NME9: variants seen among roughly 807,000 people sequenced by gnomAD.
NME9 encodes the protein NME/NM23 family member 9.
NME9 carries 48 observed loss-of-function variants against 44.4 expected under a neutral mutation model. The ratio of observed to expected loss-of-function variants is 1.08; its 90% CI spans 0.86 to 1.37. The LOEUF (loss-of-function observed/expected upper bound fraction) is 1.37. Among genes scored for constraint, NME9 ranks in the 40% most tolerant of loss-of-function variants. The pLI is 0.00. For missense variants in NME9, 325 were observed against 405.2 expected, an observed-to-expected ratio of 0.80 and a Z score of 1.70; for synonymous variants, 139 against 147.1, an observed-to-expected ratio of 0.94 and a Z score of 0.40.
chr3:138,266,062 A>G (rs1375881466), intron 8 of NME9, among the ~76,000 whole-genome samples: 1 of 152,240 alleles, frequency 6.6e-6, no homozygotes, highest in Non-Finnish European at 1.5e-5. Context: ...GCCTATCAGA[A>G]CAGTATGTTT....
intron 8 of NME9, among the ~76,000 whole-genome samples, chr3:138,265,250 C>T (rs1204564236): frequency 6.6e-6 from 1 of 151,888 alleles, no homozygotes; most frequent in African/African-American, 2.4e-5. Context: ...TCTTCAGGCC[C>T]CTTTTGTCCC....
intron 6 of NME9, among the ~76,000 whole-genome samples, chr3:138,313,404 A>G (rs2052838384): frequency 6.6e-6 from 1 of 152,134 alleles, no homozygotes; most frequent in African/African-American, 2.4e-5. Context: ...AACAAAACAA[A>G]GCAAAACAAA....
intron 8 of NME9, among the ~76,000 whole-genome samples, chr3:138,282,724 C>T (rs776891352): frequency 4.6e-5 from 7 of 151,312 alleles, no homozygotes; most frequent in Non-Finnish European, 5.9e-5. Context: ...GGGAAAGCAA[C>T]GATAATTCAC....
intron 1 of NME9, chr3:138,327,029 A>G (rs2053838046): frequency 6.8e-6 from 1 of 147,796 alleles, no homozygotes; most frequent in Admixed American, 6.9e-5. Context: ...GGTGGCGCAT[A>G]CCTGTTTTAC....
chr3:138,274,142 A>G (rs562636696), intron 8 of NME9, among the ~76,000 whole-genome samples: 4 of 151,914 alleles, frequency 2.6e-5, no homozygotes, highest in South Asian at 2.1e-4. Flanking sequence ...TCTTTAATAT[A>G]TTTGGGTTTG....
chr3:138,322,582 C>G (rs1465950864), intron 2 of NME9, among the ~76,000 whole-genome samples: 1 of 151,644 alleles, frequency 6.6e-6, no homozygotes, highest in African/African-American at 2.4e-5. Context: ...TGAAAATGAG[C>G]CAGCAGAAGG....
At chr3:138,298,675 C>A (rs1046621400), downstream of NME9, among the ~76,000 whole-genome samples, 3 of 152,310 alleles carry the variant, frequency 2.0e-5, no homozygotes, top group Admixed American at 2.0e-4. Context: ...CCTCCATCCT[C>A]TTCTCCTTAG....
chr3:138,313,981 G>A (rs1011388432), intron 6 of NME9, among the ~76,000 whole-genome samples: 1 of 152,012 alleles, frequency 6.6e-6, no homozygotes, highest in Non-Finnish European at 1.5e-5. Context: ...AATCAGACCT[G>A]GTATTCAAGA....
chr3:138,276,911 C>T (rs1407179728), intron 8 of NME9, among the ~76,000 whole-genome samples: 2 of 152,012 alleles, frequency 1.3e-5, no homozygotes, highest in African/African-American at 4.8e-5. Context: ...TGTGCCTTTA[C>T]ATATAGATTT....
intron 1 of NME9, 138 bp downstream of exon 1, chr3:138,329,165 A>T: frequency 1.3e-6 from 1 of 745,500 alleles, no homozygotes; most frequent in Non-Finnish European, 2.2e-6. Context: ...ACGGAAGGGT[A>T]CATCACTCAA....
At chr3:138,276,463 A>G (rs1044170688) in intron 8 of NME9, among the ~76,000 whole-genome samples, 9 of 152,220 alleles carry the variant, frequency 5.9e-5, no homozygotes, top group African/African-American at 2.2e-4. Context: ...AATTCCTACC[A>G]AGCACAAGAA....
At chr3:138,262,514 A>C in exon 9 of NME9, 3 of 1,609,276 alleles carry the variant, frequency 1.9e-6, no homozygotes, top group Non-Finnish European at 2.5e-6. Context: ...TCATGTTCTA[A>C]GGTCAGACTT....
chr3:138,306,574 T>C (rs2052280608), intron 6 of NME9, 94 bp from the exon 7 acceptor site: 1 of 728,524 alleles, frequency 1.4e-6, no homozygotes, highest in Non-Finnish European at 2.4e-6. Flanking sequence ...AAGGCTCCAT[T>C]GCACCAAGTG....
intron 2 of NME9, 21 bp downstream of exon 2, chr3:138,324,852 A>G (rs1001596318): frequency 1.9e-6 from 3 of 1,584,240 alleles, no homozygotes; most frequent in Non-Finnish European, 2.6e-6. Flanking sequence ...GGATCTAAAA[A>G]GTTATTTTAC....
intron 10 of NME9, among the ~76,000 whole-genome samples, chr3:138,302,783 C>T (rs543597602): frequency 2.6e-5 from 4 of 152,216 alleles, no homozygotes; most frequent in African/African-American, 7.2e-5. Flanking sequence ...TGTGACCTCC[C>T]GAGAATCCAA....
chr3:138,262,404 C>T, exon 9 of NME9: 1 of 1,009,090 alleles, frequency 9.9e-7, no homozygotes, highest in Non-Finnish European at 1.4e-6. Flanking sequence ...AATGTGGTTC[C>T]CTGTTCTTAA....
At chr3:138,300,677 G>A (rs534793872), downstream of NME9, among the ~76,000 whole-genome samples, 1 of 152,320 alleles carries the variant, frequency 6.6e-6, no homozygotes, top group South Asian at 2.1e-4. Context: ...CCCACTAGGA[G>A]CTCTCAGCTT....
intron 8 of NME9, chr3:138,264,048 A>T (rs1358093462): frequency 2.4e-6 from 3 of 1,238,332 alleles, no homozygotes; most frequent in Admixed American, 1.8e-5. Flanking sequence ...AGTGTACATT[A>T]GTCATTGTAA....
chr3:138,282,098 G>A (rs1560043600), intron 8 of NME9, among the ~76,000 whole-genome samples: 1 of 152,162 alleles, frequency 6.6e-6, no homozygotes, highest in African/African-American at 2.4e-5. Flanking sequence ...CCCTAGATTG[G>A]CCTCACCCTC....
Sources: gnomAD v4.1 joint callset for allele counts (sites outside exome capture counted in the v4.1 genomes callset) on GRCh38, gnomAD v4.1.1 for gene constraint, MANE v1.5 for transcripts, NCBI Gene and HGNC (gene_info 2026-07-23, HGNC 2026-07-21) for gene names.